PCLO: variants seen among roughly 807,000 people sequenced by gnomAD.
The protein encoded by PCLO is piccolo presynaptic cytomatrix protein.
In PCLO, 82 loss-of-function variants were observed where a neutral mutation model predicts 427.5. The ratio of observed to expected loss-of-function variants is 0.19; its 90% CI spans 0.16 to 0.23. The LOEUF (loss-of-function observed/expected upper bound fraction) is 0.23, where lower values mean the gene tolerates loss of function less well. Ranked by LOEUF, PCLO falls within the 10% of genes least tolerant of loss-of-function variation. PCLO has a pLI of 1.00. For synonymous variants in PCLO, 2,357 were observed against 2,155.4 expected (o/e 1.09, Z -2.59); for missense variants, 6,239 against 6,115.9 (o/e 1.02, Z -0.67).
At chr7:83,095,704 C>T (rs1376107118) in intron 3 of PCLO, among the ~76,000 whole-genome samples, 2 of 151,902 alleles carry the variant, frequency 1.3e-5, no homozygotes, top group Non-Finnish European at 2.9e-5. Flanking sequence ...TGGAAGTATG[C>T]AGTTTAATCT....
intron 3 of PCLO, among the ~76,000 whole-genome samples, chr7:82,984,920 C>CTT (rs1174112204): frequency 6.6e-6 from 1 of 151,950 alleles, no homozygotes; most frequent in African/African-American, 2.4e-5. Context: ...TAGAAATATT[C>CTT]TTAGAGTACT....
chr7:82,852,715 T>C (rs535614502), intron 10 of PCLO, among the ~76,000 whole-genome samples: 39 of 152,248 alleles, frequency 2.6e-4, no homozygotes, highest in African/African-American at 9.1e-4. Context: ...CTCCCTTTCA[T>C]ATATACATAT....
At chr7:82,994,710 C>T (rs970804526) in intron 3 of PCLO, among the ~76,000 whole-genome samples, 6 of 151,938 alleles carry the variant, frequency 3.9e-5, no homozygotes, top group Middle Eastern at 3.4e-3. Flanking sequence ...TATCCAACCC[C>T]TCACAGATAA....
intron 2 of PCLO, among the ~76,000 whole-genome samples, chr7:83,150,105 TA>T (rs1792092437): frequency 6.6e-6 from 1 of 152,246 alleles, no homozygotes; most frequent in East Asian, 1.9e-4. Flanking sequence ...TGAAATTTAA[TA>T]AGAGTTGGGA....
intron 10 of PCLO, among the ~76,000 whole-genome samples, chr7:82,855,874 G>C (rs932112910): frequency 6.6e-6 from 1 of 152,090 alleles, no homozygotes. Context: ...AAAGGAAGTA[G>C]GGACCAGCAT....
intron 6 of PCLO, among the ~76,000 whole-genome samples, chr7:82,933,485 C>T (rs1205301092): frequency 2.6e-5 from 4 of 151,922 alleles, no homozygotes; most frequent in African/African-American, 4.8e-5. Flanking sequence ...ATTTCCTGAA[C>T]AGTCTTCAGC....
chr7:82,895,280 A>G (rs535930732), intron 9 of PCLO, among the ~76,000 whole-genome samples: 1 of 151,282 alleles, frequency 6.6e-6, no homozygotes, highest in East Asian at 1.9e-4. Flanking sequence ...AATCTTTTGA[A>G]GTGAATAAAA....
chr7:82,876,166 T>C (rs1584087375), intron 10 of PCLO, among the ~76,000 whole-genome samples: 1 of 152,146 alleles, frequency 6.6e-6, no homozygotes, highest in South Asian at 2.1e-4. Flanking sequence ...TTTACATATG[T>C]ATAATTTTTC....
chr7:83,012,186 CAG>C (rs1788095865), intron 3 of PCLO, among the ~76,000 whole-genome samples: 1 of 152,000 alleles, frequency 6.6e-6, no homozygotes, highest in Non-Finnish European at 1.5e-5. Flanking sequence ...TGAGTATTTT[CAG>C]AGATATAATA....
chr7:82,825,872 T>C (rs944230998), intron 18 of PCLO, among the ~76,000 whole-genome samples: 6 of 148,308 alleles, frequency 4.0e-5, no homozygotes, highest in African/African-American at 1.2e-4. Context: ...ACACAATGTG[T>C]ACATATCTAC....
chr7:83,089,386 A>G (rs1031241939), intron 3 of PCLO, among the ~76,000 whole-genome samples: 1 of 152,106 alleles, frequency 6.6e-6, no homozygotes, highest in African/African-American at 2.4e-5. Flanking sequence ...TAGAACATAC[A>G]GTGTTCCCTC....
intron 3 of PCLO, among the ~76,000 whole-genome samples, chr7:83,118,314 G>A (rs984166769): frequency 1.3e-5 from 2 of 152,146 alleles, no homozygotes; most frequent in African/African-American, 4.8e-5. Flanking sequence ...ACCCTCCGGC[G>A]ATCATCTCCA....
intron 3 of PCLO, among the ~76,000 whole-genome samples, chr7:83,009,707 G>A (rs1022253902): frequency 6.6e-6 from 1 of 151,710 alleles, no homozygotes; most frequent in Non-Finnish European, 1.5e-5. Flanking sequence ...TATTTCTTAG[G>A]TAAAGATTTA....
intron 3 of PCLO, among the ~76,000 whole-genome samples, chr7:82,999,411 TATATA>T (rs71096611): frequency 0.61 from 57,919 of 94,240 alleles, 21,259 homozygotes; most frequent in East Asian, 0.88. Flanking sequence ...ACTATTCCAT[TATATA>T]ATATATTATA....
In PCLO at chr7:82,825,599, A is replaced by G. The variant is rs966053022; in HGVS notation, c.14415+990T>C. Among the ~76,000 whole-genome samples, 5 of 149,230 alleles carry G rather than the reference A, an allele frequency of 3.4e-5. No individual in the cohort carries two copies. The East Asian group carries it at 9.7e-4, about 29-fold the overall frequency. ...TAACTTCTGCCCTAAGCAGAACACTAAACAATGTGTATGTGTGTATATATA... is the reference window on the plus strand; with the variant it reads ...TAACTTCTGCCCTAAGCAGAACACTGAACAATGTGTATGTGTGTATATATA... On this transcript the variant is annotated intron_variant, in intron 18 of 24. Transcript: ENST00000333891.
chr7:83,152,516 A>T (rs945279402), intron 2 of PCLO, among the ~76,000 whole-genome samples: 3 of 152,212 alleles, frequency 2.0e-5, no homozygotes, highest in Admixed American at 1.3e-4. Flanking sequence ...TAAGGCTAAA[A>T]TCTGACTTCA....
rs781570050 is a variant in PCLO, at chr7:82,954,512, G to A, written c.6441C>T (p.Thr2147=). ...TCTCTTGAATTTCTCTTGTATAATC[G>A]GTTACATATTCATCCTCAATTTCTT... The part of the protein sequence containing the change: ...STEEIEDEYV[T]DYTREIQEII... The change falls in exon 5 of 25, where the codon ACC becomes ACT. Residue 2147 remains threonine (T), a synonymous_variant. Coordinates refer to ENST00000333891, the MANE Select transcript of PCLO (RefSeq NM_033026.6). 13 of 1,613,724 alleles carry A rather than the reference G, an allele frequency of 8.1e-6. No individual in the cohort carries two copies. Among genetic ancestry groups the A allele is most frequent in the Middle Eastern group, 1.6e-4 (1 of 6,084 alleles).
chr7:82,955,080 T>A lies in PCLO; in HGVS notation c.5873A>T (p.Glu1958Val). The change falls in exon 5 of 25, where the codon GAA becomes GTA. Residue 1958 changes from glutamate (E) to valine (V), a missense_variant. Glu to Val is a moderately radical substitution (Grantham distance 121). Coordinates refer to ENST00000333891, the MANE Select transcript of PCLO (RefSeq NM_033026.6). ...GGMLIEDYIY[E>V]SLVEDTYNGS... ...ATTGTACGTGTCTTCTACTAAAGAT[T>A]CATAAATATAATCCTCTATTAGCAT... 6.2e-7 allele frequency: 1 copy of A among 1,613,834 alleles called. No individual in the cohort carries two copies. Among genetic ancestry groups the A allele is most frequent in the Non-Finnish European group, 8.5e-7 (1 of 1,179,868 alleles).
rs760725489 is a variant in PCLO, at chr7:83,155,855, G to C, written c.786C>G (p.Thr262=). ...TTGCATGGTCTGTCTGAGGAGTCTG[G>C]GTAGGACCCTGAATTGGCTTTCCTG... is the stretch of plus-strand genomic sequence containing the variant. ...PGTGKPIQGP[T]QTPQTDHAKL... The change falls in exon 2 of 25, where the codon ACC becomes ACG. Residue 262 remains threonine (T), a synonymous_variant. Transcript: ENST00000333891. The C allele has an allele frequency of 1.9e-6, 3 of 1,613,916 alleles. No individual in the cohort carries two copies. Among genetic ancestry groups the C allele is most frequent in the South Asian group, 1.1e-5 (1 of 91,084 alleles).
Sources: allele counts gnomAD v4.1 joint callset (sites outside exome capture counted in the v4.1 genomes callset), GRCh38; gene constraint gnomAD v4.1.1; transcripts MANE v1.5; gene names NCBI Gene and HGNC (gene_info 2026-07-23, HGNC 2026-07-21).